The following DOCK10 variants were observed in gnomAD, a reference collection of about 807,000 sequenced individuals.
DOCK10 encodes dedicator of cytokinesis protein 10.
A neutral mutation model predicts 280.1 loss-of-function variants in DOCK10; 145 were observed. That is an observed-to-expected ratio of 0.52 (90% CI 0.45 to 0.59). The LOEUF (loss-of-function observed/expected upper bound fraction) is 0.59, where lower values mean the gene tolerates loss of function less well. Among genes scored for constraint, DOCK10 ranks in the 20% least tolerant of loss-of-function variants. DOCK10 has a pLI of 0.00. For synonymous variants in DOCK10, 915 were observed against 942.2 expected (o/e 0.97, Z 0.53); for missense variants, 2,368 against 2,651.7 (o/e 0.89, Z 2.35).
intron 25 of DOCK10, among the ~76,000 whole-genome samples, chr2:224,836,294 C>A (rs1695588518): frequency 1.3e-5 from 2 of 152,096 alleles, no homozygotes; most frequent in Admixed American, 1.3e-4. Flanking sequence ...ATGACCCTAT[C>A]TTAGGGAGCA....
rs16866227 is a variant in DOCK10, at chr2:224,851,865, T to C, written c.2142+512A>G. 6.2e-3 allele frequency among the ~76,000 whole-genome samples: 942 copies of C among 152,316 alleles called. 10 individuals carry two copies. The highest frequency in any genetic ancestry group is 0.02 in the African/African-American group (828 of 41,558). ...AGTTCCTACAAACCTCATAGTTTTA[T>C]GGATCTTACTAAATCATGTGATCAG... is the stretch of plus-strand genomic sequence containing the variant. On this transcript the variant is annotated intron_variant, in intron 18 of 55. Coordinates refer to ENST00000258390, the MANE Select transcript of DOCK10 (RefSeq NM_014689.3).
intron 11 of DOCK10, among the ~76,000 whole-genome samples, chr2:224,867,108 A>ACACAC (rs58329909): frequency 6.6e-6 from 1 of 151,172 alleles, no homozygotes; most frequent in African/African-American, 2.4e-5. Flanking sequence ...ACACACACAC[A>ACACAC]AAATTTATTT....
chr2:224,894,577 C>A (rs376227236), intron 4 of DOCK10, among the ~76,000 whole-genome samples: 4 of 152,298 alleles, frequency 2.6e-5, no homozygotes, highest in East Asian at 3.9e-4. Context: ...GTCATGAACA[C>A]CCAGACATTC....
At position 224,883,553 on chromosome 2, in the gene DOCK10, A is replaced by G. The variant is rs558444018; in HGVS notation, c.747+2118T>C. On this transcript the variant is annotated intron_variant, in intron 7 of 55. Coordinates refer to ENST00000258390, the MANE Select transcript of DOCK10 (RefSeq NM_014689.3). The stretch of plus-strand genomic sequence containing the variant: ...CACTATCTCCCAGTTCTTTTCACAT[A>G]TTAGCACATTGTTCTAGTTTTACAG... 2.0e-5 allele frequency among the ~76,000 whole-genome samples: 3 copies of G among 152,332 alleles called. No individual in the cohort carries two copies. The South Asian group carries it at 6.2e-4, about 32-fold the overall frequency.
chr2:224,951,241 A>AAT (rs1703708806), intron 1 of DOCK10, among the ~76,000 whole-genome samples: 2 of 152,180 alleles, frequency 1.3e-5, no homozygotes, highest in South Asian at 2.1e-4. Flanking sequence ...TTGTGAACAA[A>AAT]ATATATATAT....
At position 224,907,326 on chromosome 2, in the gene DOCK10, G is replaced by A. The variant is rs114287787; in HGVS notation, c.333+9369C>T. Among the ~76,000 whole-genome samples, 797 of 152,220 alleles carry A rather than the reference G, an allele frequency of 5.2e-3. 4 individuals are homozygous for A. The highest frequency in any genetic ancestry group is 0.01 in the Middle Eastern group (3 of 294). ...AACTACCATCACTGGGGCTTGTGCC[G>A]AATTGTGTCTTAGAATTGCATGACC... On this transcript the variant is annotated intron_variant, in intron 3 of 55. Transcript: ENST00000258390.
intron 4 of DOCK10, among the ~76,000 whole-genome samples, chr2:224,887,131 T>C (rs1276123279): frequency 6.6e-6 from 1 of 152,146 alleles, no homozygotes; most frequent in Non-Finnish European, 1.5e-5. Context: ...ATTTGAAAGG[T>C]TGGGGAGTTT....
At chr2:224,921,731 A>G (rs141325736) in intron 2 of DOCK10, among the ~76,000 whole-genome samples, 1 of 152,322 alleles carries the variant, frequency 6.6e-6, no homozygotes, top group Non-Finnish European at 1.5e-5. Flanking sequence ...AAGAGAATAC[A>G]TGTATGATGT....
At chr2:224,914,262 T>A (rs543748712) in intron 3 of DOCK10, among the ~76,000 whole-genome samples, 1 of 152,342 alleles carries the variant, frequency 6.6e-6, no homozygotes, top group South Asian at 2.1e-4. Context: ...TTCACTGGTT[T>A]ATTTGTTCAT....
chr2:224,816,653 G>A lies in DOCK10; in HGVS notation c.3328C>T (p.Pro1110Ser), dbSNP rs779705781. 9 of 1,608,850 alleles carry A rather than the reference G, an allele frequency of 5.6e-6. No homozygotes were observed. The African/African-American group carries it at 6.7e-5, about 12-fold the overall frequency. ...GCTGATCTTATGGGCAGACACAAAG[G>A]GATAAAGTGTTCATGTTGACATACT... ...QEVCQHEHFI[P>S]LCLPIRSANI... The change falls in exon 30 of 56, where the codon CCT becomes TCT. Residue 1110 changes from proline to serine, a missense_variant. By Grantham distance (74) the Pro-to-Ser change is moderately conservative. This residue lies in a region of DOCK10 where 1,159 missense variants were observed against 1,400.8 expected (regional missense o/e 0.83). Coordinates refer to ENST00000258390, the MANE Select transcript of DOCK10 (RefSeq NM_014689.3).
At position 224,816,619 on chromosome 2, in the gene DOCK10, G is replaced by T; in HGVS notation, c.3362C>A (p.Pro1121Gln). 1.3e-6 allele frequency: 2 copies of T among 1,582,146 alleles called. No homozygotes were observed. The highest frequency in any genetic ancestry group is 1.7e-6 in the Non-Finnish European group (2 of 1,154,858). Residue 1121 changes from proline (P) to glutamine (Q), a missense_variant and splice_region_variant, in exon 30 of 56, where the codon CCA (proline) becomes CAA (glutamine). Pro to Gln is a moderately conservative substitution (Grantham distance 76). Transcript: ENST00000258390. ...LCLPIRSANI[P>Q]DPLTPSESTQ... is the part of the protein sequence containing the mutation. ...GAAAATTCTGGGAATTTTATTACCT[G>T]GAATGTTTGCTGATCTTATGGGCAG...
intron 50 of DOCK10, 46 bp from the exon 51 acceptor site, chr2:224,778,330 A>G (rs202186950): frequency 1.9e-6 from 3 of 1,546,396 alleles, no homozygotes; most frequent in East Asian, 2.3e-5. Flanking sequence ...AATGCTAATC[A>G]TAAATCAAAA....
chr2:224,854,874 A>C (rs1697001359), intron 16 of DOCK10, 89 bp downstream of exon 16: 1 of 993,962 alleles, frequency 1.0e-6, no homozygotes, highest in Admixed American at 2.5e-5. Flanking sequence ...CAACCAACCA[A>C]CCAACCAACC....
intron 1 of DOCK10, among the ~76,000 whole-genome samples, chr2:225,022,613 C>T (rs1689811509): frequency 6.6e-6 from 1 of 152,228 alleles, no homozygotes; most frequent in South Asian, 2.1e-4. Context: ...CTATCTACTA[C>T]CACCAGAATT....
chr2:224,791,753 C>T (rs541653510), intron 47 of DOCK10, among the ~76,000 whole-genome samples: 3 of 151,828 alleles, frequency 2.0e-5, no homozygotes, highest in Admixed American at 1.3e-4. Context: ...GGATTACAGG[C>T]GTGAGTCATG....
At chr2:224,849,438 G>A (rs1489995819) in intron 19 of DOCK10, 69 bp downstream of exon 19, 2 of 1,149,220 alleles carry the variant, frequency 1.7e-6, no homozygotes, top group East Asian at 2.5e-5. Flanking sequence ...GTTTTTCACT[G>A]CACGGTTATC....
intron 20 of DOCK10, 46 bp from the exon 21 acceptor site, chr2:224,845,370 T>A (rs180685139): frequency 1.5e-5 from 24 of 1,564,808 alleles, no homozygotes; most frequent in Non-Finnish European, 2.1e-5. Context: ...CAAACCTCCA[T>A]GGTAAGAAGT....
intron 31 of DOCK10, among the ~76,000 whole-genome samples, chr2:224,811,365 A>G (rs1316067849): frequency 6.6e-6 from 1 of 151,952 alleles, no homozygotes; most frequent in Non-Finnish European, 1.5e-5. Flanking sequence ...GTTTGAGTTC[A>G]TTGTAGATTC....
In DOCK10 at chr2:224,851,848, CA is replaced by C. The variant is rs545937241; in HGVS notation, c.2142+528del. ...GTAGAGTGAAACACCACAGTTCCTA[CA>C]AACCTCATAGTTTTATGGATCTTAC... On this transcript the variant is annotated intron_variant, in intron 18 of 55. Coordinates refer to ENST00000258390, the MANE Select transcript of DOCK10 (RefSeq NM_014689.3). Among the ~76,000 whole-genome samples the C allele has an allele frequency of 1.8e-4, 27 of 152,308 alleles. No homozygotes were observed. In the South Asian group the frequency reaches 5.2e-3, roughly 29 times the overall value.
Sources: allele counts gnomAD v4.1 joint callset (sites outside exome capture counted in the v4.1 genomes callset), GRCh38; gene constraint gnomAD v4.1.1; regional missense constraint gnomAD v4.1.1; transcripts MANE v1.5; gene names NCBI Gene and HGNC (gene_info 2026-07-23, HGNC 2026-07-21).